The following MYOCOS variants were observed in gnomAD, a reference collection of about 807,000 sequenced individuals.
The protein encoded by MYOCOS is myocilin opposite strand protein.
At chr1:171,600,913 G>C (rs965469773) in exon 1 of MYOCOS, 10 of 152,224 alleles carry the variant, frequency 6.6e-5, no homozygotes, top group African/African-American at 2.4e-4. Flanking sequence ...TCTCCGGCTG[G>C]TCATGCTACA....
chr1:171,621,870 T>C (rs532053803), upstream of MYOCOS, among the ~76,000 whole-genome samples: 10 of 152,132 alleles, frequency 6.6e-5, no homozygotes, highest in Non-Finnish European at 1.5e-4. Flanking sequence ...TTTTAAAAAT[T>C]AAAAAAATGC....
At chr1:171,621,428 T>C (rs968246699), upstream of MYOCOS, among the ~76,000 whole-genome samples, 1 of 137,892 alleles carries the variant, frequency 7.3e-6, no homozygotes, top group Admixed American at 8.0e-5. Flanking sequence ...CAGGCTAGAG[T>C]GCAGTGGCGC....
chr1:171,604,325 C>A (rs568103621), intron 1 of MYOCOS: 7 of 152,286 alleles, frequency 4.6e-5, no homozygotes, highest in African/African-American at 1.7e-4. Flanking sequence ...AGGACTTCAA[C>A]TGACCTTCCT....
chr1:171,626,640 C>T lies in MYOCOS; in HGVS notation c.*39C>T, dbSNP rs1171029061. On this transcript the variant is annotated 3_prime_UTR_variant, in exon 3 of 3. Coordinates refer to ENST00000637642, the MANE Select transcript of MYOCOS (RefSeq NM_001391940.1). The stretch of plus-strand genomic sequence containing the variant: ...TTTTGAAGTGAATTCTTACACAGAA[C>T]TCCAGAAAACAGTTTCAGTGGCATT... The T allele has an allele frequency of 7.5e-6, 3 of 398,364 alleles. No homozygotes were observed. The highest frequency in any genetic ancestry group is 6.2e-5 in the African/African-American group (3 of 48,608). The allele number at this position is 398,364 out of a possible 1,614,324, so 24.7% of individuals were successfully genotyped here.
At chr1:171,621,568 G>T (rs538755683), upstream of MYOCOS, among the ~76,000 whole-genome samples, 71 of 151,994 alleles carry the variant, frequency 4.7e-4, no homozygotes, top group Middle Eastern at 3.4e-3. Context: ...GTAGAGACGG[G>T]GTTTCGCCGT....
intron 2 of MYOCOS, among the ~76,000 whole-genome samples, chr1:171,616,225 AAAACAAACAAAC>A (rs141899130): frequency 6.6e-6 from 1 of 150,902 alleles, no homozygotes; most frequent in Non-Finnish European, 1.5e-5. Context: ...CTCAAAACAA[AAAACAAACAAAC>A]AAACAAACAA....
At chr1:171,621,400 T>G (rs1161164277), upstream of MYOCOS, among the ~76,000 whole-genome samples, 74 of 127,586 alleles carry the variant, frequency 5.8e-4, no homozygotes, top group Admixed American at 1.5e-3. Context: ...TTTTGAGACG[T>G]AGTCTCACTC....
In MYOCOS at chr1:171,626,812, A is replaced by G. The variant is rs1652716140; in HGVS notation, c.*211A>G. Reference sequence around the variant, plus strand: ...TCCAAGTCTCTGATATGATATGCATATATTTTGATCTTTATGTTATGCTAT... The same window carrying G: ...TCCAAGTCTCTGATATGATATGCATGTATTTTGATCTTTATGTTATGCTAT... On this transcript the variant is annotated 3_prime_UTR_variant, in exon 3 of 3. Transcript: ENST00000637642. The G allele has an allele frequency of 7.9e-6, 3 of 378,214 alleles. No individual in the cohort carries two copies. The highest frequency in any genetic ancestry group is 9.3e-6 in the Non-Finnish European group (2 of 214,140). 23.4% of individuals were successfully genotyped at this position (378,214 alleles called of 1,614,324 possible). A position where few individuals can be genotyped will look rare whatever the true frequency, so the allele number is the denominator to read the frequency against.
At chr1:171,619,830 C>CAAA (rs557972701), upstream of MYOCOS, among the ~76,000 whole-genome samples, 4 of 96,284 alleles carry the variant, frequency 4.2e-5, 1 homozygote, top group African/African-American at 1.5e-4. Context: ...GACTCCATCT[C>CAAA]AAAAAAAAAA....
intron 1 of MYOCOS, among the ~76,000 whole-genome samples, chr1:171,601,582 C>T (rs1270952556): frequency 1.3e-5 from 2 of 152,092 alleles, no homozygotes. Context: ...TATGGAGTCA[C>T]TATGACTCCA....
At chr1:171,623,640 C>T (rs188391372) in intron 1 of MYOCOS, among the ~76,000 whole-genome samples, 163 of 152,206 alleles carry the variant, frequency 1.1e-3, no homozygotes, top group Middle Eastern at 3.4e-3. Flanking sequence ...TACTCTTAGC[C>T]GCCCACTCCT....
intron 2 of MYOCOS, among the ~76,000 whole-genome samples, chr1:171,624,733 G>A (rs12058841): frequency 0.22 from 32,894 of 151,634 alleles, 3,755 homozygotes; most frequent in South Asian, 0.36. Context: ...AGGCGTGAGC[G>A]ACTGTGCCCG....
At chr1:171,611,533 T>G (rs937224375) in intron 1 of MYOCOS, among the ~76,000 whole-genome samples, 2 of 152,218 alleles carry the variant, frequency 1.3e-5, no homozygotes, top group Non-Finnish European at 2.9e-5. Context: ...AATTCTCCTA[T>G]TGGAGCTTGC....
chr1:171,624,486 G>A (rs12058746), intron 2 of MYOCOS, among the ~76,000 whole-genome samples: 32,633 of 149,982 alleles, frequency 0.22, 3,713 homozygotes, highest in South Asian at 0.36. Context: ...TCTCTCTGTC[G>A]CCCAGGCTGG....
intron 1 of MYOCOS, among the ~76,000 whole-genome samples, chr1:171,601,260 T>A (rs1652136321): frequency 6.6e-6 from 1 of 152,258 alleles, no homozygotes; most frequent in South Asian, 2.1e-4. Context: ...CGTGGCCTGA[T>A]CACCCAGGGT....
intron 1 of MYOCOS, among the ~76,000 whole-genome samples, chr1:171,614,451 G>T (rs941862793): frequency 6.6e-6 from 1 of 152,234 alleles, no homozygotes; most frequent in Non-Finnish European, 1.5e-5. Context: ...CACCTCTGCA[G>T]CTGGGGATGA....
chr1:171,611,868 C>G (rs1235266606), intron 1 of MYOCOS, among the ~76,000 whole-genome samples: 1 of 148,422 alleles, frequency 6.7e-6, no homozygotes, highest in Non-Finnish European at 1.5e-5. Flanking sequence ...CCTCTGGATC[C>G]CTAAAAAAAA....
intron 1 of MYOCOS, among the ~76,000 whole-genome samples, chr1:171,604,916 A>G (rs1471799537): frequency 6.6e-6 from 1 of 152,124 alleles, no homozygotes; most frequent in Non-Finnish European, 1.5e-5. Context: ...TCAGACCCAA[A>G]ATGAAATAAA....
upstream of MYOCOS, among the ~76,000 whole-genome samples, chr1:171,620,952 T>G (rs1652554381): frequency 6.6e-6 from 1 of 151,964 alleles, no homozygotes; most frequent in Non-Finnish European, 1.5e-5. Flanking sequence ...GTATTTTTAG[T>G]AGAGACGGGG....
Sources: gnomAD v4.1 joint callset for allele counts (sites outside exome capture counted in the v4.1 genomes callset) on GRCh38, gnomAD v4.1.1 for gene constraint, MANE v1.5 for transcripts, NCBI Gene and HGNC (gene_info 2026-07-23, HGNC 2026-07-21) for gene names.